EIF2AK4: variants seen among roughly 807,000 people sequenced by gnomAD.
EIF2AK4 encodes the protein eIF-2-alpha kinase GCN2.
A neutral mutation model predicts 211.1 loss-of-function variants in EIF2AK4; 139 were observed. The ratio of observed to expected loss-of-function variants is 0.66; its 90% CI spans 0.57 to 0.76. The LOEUF is 0.76. Ranked by LOEUF, EIF2AK4 falls within the 30% of genes least tolerant of loss-of-function variation. EIF2AK4 has a pLI of 0.00. For missense variants in EIF2AK4, 1,664 were observed against 2,043.8 expected (o/e 0.81, Z 3.58); for synonymous variants, 710 against 751.3 (o/e 0.94, Z 0.90).
intron 35 of EIF2AK4, among the ~76,000 whole-genome samples, chr15:40,031,457 C>A (rs907927494): frequency 6.6e-6 from 1 of 152,150 alleles, no homozygotes; most frequent in Non-Finnish European, 1.5e-5. Flanking sequence ...CGTCTTCCTA[C>A]TGCCTTCATC....
chr15:40,034,552 C>T (rs186399020), intron 38 of EIF2AK4, 108 bp downstream of exon 38: 5 of 818,392 alleles, frequency 6.1e-6, no homozygotes, highest in Non-Finnish European at 1.0e-5. Flanking sequence ...GCCTGGTAAG[C>T]TGTTCTTAGA....
intron 19 of EIF2AK4, among the ~76,000 whole-genome samples, 193 bp downstream of exon 19, chr15:39,997,258 G>A (rs1200382504): frequency 6.6e-6 from 1 of 152,172 alleles, no homozygotes; most frequent in Non-Finnish European, 1.5e-5. Context: ...ATTTTTCTGA[G>A]CAAAGGAAGT....
In EIF2AK4 at chr15:39,934,164, C is replaced by G. The variant is rs1468576245; in HGVS notation, c.-32C>G. On this transcript the variant is annotated 5_prime_UTR_variant, in exon 1 of 39. Coordinates refer to ENST00000263791, the MANE Select transcript of EIF2AK4 (RefSeq NM_001013703.4). ...TGCCGGGGGCCCACCGCCGCCCAGGCAAGGCCGCCCTGCCTTGGGCGCAGC... is the reference window on the plus strand; with the variant it reads ...TGCCGGGGGCCCACCGCCGCCCAGGGAAGGCCGCCCTGCCTTGGGCGCAGC... 1 of 1,339,236 alleles carries G rather than the reference C, an allele frequency of 7.5e-7. No individual in the cohort carries two copies. Among genetic ancestry groups the G allele is most frequent in the Non-Finnish European group, 9.5e-7 (1 of 1,049,552 alleles). 83.0% of individuals were successfully genotyped at this position (1,339,236 alleles called of 1,614,324 possible). A position where few individuals can be genotyped will look rare whatever the true frequency, so the allele number is the denominator to read the frequency against.
chr15:39,960,105 A>G (rs1435536802), intron 6 of EIF2AK4, among the ~76,000 whole-genome samples: 2 of 149,982 alleles, frequency 1.3e-5, no homozygotes, highest in African/African-American at 4.9e-5. Flanking sequence ...CGGAGCTTGC[A>G]GTGAGCCAAG....
intron 1 of EIF2AK4, among the ~76,000 whole-genome samples, chr15:39,938,440 T>G (rs879554223): frequency 2.0e-5 from 3 of 152,270 alleles, no homozygotes; most frequent in African/African-American, 7.2e-5. Flanking sequence ...GTACAGTGTT[T>G]ATTATATGGT....
intron 35 of EIF2AK4, 88 bp downstream of exon 35, chr15:40,030,544 G>A (rs902414589): frequency 7.5e-7 from 1 of 1,333,832 alleles, no homozygotes. Context: ...GATAAACATG[G>A]AATTTCTTGG....
chr15:39,934,230 G>C lies in EIF2AK4; in HGVS notation c.35G>C (p.Arg12Pro). 2 of 1,599,476 alleles carry C rather than the reference G, an allele frequency of 1.3e-6. No individual in the cohort carries two copies. Among genetic ancestry groups the C allele is most frequent in the Admixed American group, 1.7e-5 (1 of 58,674 alleles). Residue 12 changes from arginine (R) to proline (P), a missense_variant, in exon 1 of 39, where the codon CGG (arginine) becomes CCG (proline). Coordinates refer to ENST00000263791, the MANE Select transcript of EIF2AK4 (RefSeq NM_001013703.4). Reference sequence around the variant, plus strand: ...GGCCGTGGGGCCCCCGGGCGCGGCCGGGACGAGCCTCCGGAGAGCTACCCG... The same window carrying C: ...GGCCGTGGGGCCCCCGGGCGCGGCCCGGACGAGCCTCCGGAGAGCTACCCG... ...AGGRGAPGRG[R>P]DEPPESYPQR... is the part of the protein sequence containing the mutation.
intron 23 of EIF2AK4, 102 bp downstream of exon 23, chr15:40,003,416 T>C (rs1005252617): frequency 1.5e-5 from 22 of 1,506,330 alleles, no homozygotes; most frequent in Non-Finnish European, 2.0e-5. Context: ...ATTATAAATG[T>C]CACCTTTGGG....
At chr15:39,961,647 G>T in intron 6 of EIF2AK4, 137 bp from the exon 7 acceptor site, 1 of 633,726 alleles carries the variant, frequency 1.6e-6, no homozygotes, top group Non-Finnish European at 2.7e-6. Flanking sequence ...GACTGCGAGT[G>T]GGCTAATAAA....
intron 6 of EIF2AK4, among the ~76,000 whole-genome samples, chr15:39,960,734 C>T (rs1182269827): frequency 6.6e-6 from 1 of 152,054 alleles, no homozygotes; most frequent in African/African-American, 2.4e-5. Context: ...AAGGGACTAA[C>T]TAATAGACTA....
chr15:39,987,737 T>A (rs1303700469), intron 14 of EIF2AK4, among the ~76,000 whole-genome samples: 2 of 152,222 alleles, frequency 1.3e-5, no homozygotes, highest in Non-Finnish European at 2.9e-5. Context: ...CAAGTCATAT[T>A]TTTAAATGAG....
At chr15:39,944,551 C>T (rs1271744871) in intron 3 of EIF2AK4, among the ~76,000 whole-genome samples, 3 of 151,536 alleles carry the variant, frequency 2.0e-5, no homozygotes, top group Non-Finnish European at 4.4e-5. Flanking sequence ...CCTGCCTCAG[C>T]CTCCCGAGTA....
At chr15:39,991,133 C>T (rs2034938681) in intron 16 of EIF2AK4, 1 of 152,124 alleles carries the variant, frequency 6.6e-6, no homozygotes, top group South Asian at 2.1e-4. Flanking sequence ...CAGTTAATTC[C>T]AAGGGTGATC....
Position 39,990,320 on chromosome 15 carries a change from T to C in EIF2AK4, c.2574T>C (p.Ser858=). 3 of 1,614,246 alleles carry C rather than the reference T, an allele frequency of 1.9e-6. No individual in the cohort carries two copies. Among genetic ancestry groups the C allele is most frequent in the Non-Finnish European group, 2.5e-6 (3 of 1,180,040 alleles). The change falls in exon 16 of 39, where the codon TCT becomes TCC. Residue 858 remains serine (S), a synonymous_variant. Transcript: ENST00000263791. ...AGCCTGTCAACATTTTTTTGGATTC[T>C]GATGACCATGTGAAAATAGGTGATT... is the stretch of plus-strand genomic sequence containing the variant. The part of the protein sequence containing the change: ...DLKPVNIFLD[S]DDHVKIGDFG...
intron 3 of EIF2AK4, chr15:39,946,952 G>GC: frequency 3.5e-6 from 1 of 284,074 alleles, no homozygotes; most frequent in South Asian, 8.5e-5. Flanking sequence ...CTACCATATA[G>GC]TGTAAACATA....
rs1429772355 is a variant in EIF2AK4, at chr15:40,028,273, CTA to C, written c.4503-1131_4503-1130del. Among the ~76,000 whole-genome samples, 3 of 152,078 alleles carry C rather than the reference CTA, an allele frequency of 2.0e-5. No homozygotes were observed. In the East Asian group the frequency reaches 5.8e-4, roughly 29 times the overall value. Reference sequence around the variant, plus strand: ...AATTATTTGTAGAGACAGGATCTCCCTATGTTGCCCAGGCTGGTCTCCAACTC... The same window carrying C: ...AATTATTTGTAGAGACAGGATCTCCCTGTTGCCCAGGCTGGTCTCCAACTC... On this transcript the variant is annotated intron_variant, in intron 33 of 38. Transcript: ENST00000263791.
At position 39,967,582 on chromosome 15, in the gene EIF2AK4, A is replaced by T. The variant is rs370892103; in HGVS notation, c.1256A>T (p.Asn419Ile). Residue 419 changes from asparagine (N) to isoleucine (I), a missense_variant, in exon 9 of 39, where the codon AAT (asparagine) becomes ATT (isoleucine). Physicochemically the swap from Asn to Ile is moderately radical, Grantham distance 149. Around this residue, in one of 7 missense-constraint regions of EIF2AK4, gnomAD observed 641 missense variants for 729.6 expected, o/e 0.88. Transcript: ENST00000263791. ...TCAGGCCTTGATTATCTGCACAGCA[A>T]TTCTGTGGTGCATAAGGTCCTGAGT... ...LLSGLDYLHSNSVVHKVLSAS... is the reference protein window; with the variant it reads ...LLSGLDYLHSISVVHKVLSAS... The T allele has an allele frequency of 1.2e-6, 2 of 1,613,688 alleles. No individual in the cohort carries two copies. Among genetic ancestry groups the T allele is most frequent in the South Asian group, 2.2e-5 (2 of 91,032 alleles).
At position 39,990,359 on chromosome 15, in the gene EIF2AK4, A is replaced by C. The variant is rs1354979714; in HGVS notation, c.2613A>C (p.Thr871=). ...HVKIGDFGLA[T]DHLAFSADSK... ...AAATAGGTGATTTTGGTTTGGCGACAGACCATCTAGCCTTTTCTGTAAGTA... is the reference window on the plus strand; with the variant it reads ...AAATAGGTGATTTTGGTTTGGCGACCGACCATCTAGCCTTTTCTGTAAGTA... The change falls in exon 16 of 39, where the codon ACA becomes ACC. Residue 871 remains threonine (T), a synonymous_variant. Transcript: ENST00000263791. The C allele has an allele frequency of 6.2e-7, 1 of 1,614,198 alleles. No homozygotes were observed. The highest frequency in any genetic ancestry group is 1.7e-5 in the Admixed American group (1 of 60,028).
Position 39,985,874 on chromosome 15 carries a change from T to G in EIF2AK4, c.2389T>G (p.Tyr797Asp), listed in dbSNP as rs556364536. The G allele has an allele frequency of 3.7e-6, 6 of 1,613,328 alleles. No individual in the cohort carries two copies. The Admixed American group carries it at 8.3e-5, about 22-fold the overall frequency. ...ATCAGTGACGACTGAGGCTGTGCAC[T>G]ACCTATACATCCAGGTGAGGTCGTG... ...EPSVTTEAVH[Y>D]LYIQMEYCEK... The change falls in exon 14 of 39, where the codon TAC (tyrosine) becomes GAC (aspartate). Residue 797 changes from tyrosine to aspartate, a missense_variant. By Grantham distance (160) the Tyr-to-Asp change is radical. Transcript: ENST00000263791.
Sources: gnomAD v4.1 joint callset for allele counts (sites outside exome capture counted in the v4.1 genomes callset) on GRCh38, gnomAD v4.1.1 for gene constraint, gnomAD v4.1.1 regional missense constraint, MANE v1.5 for transcripts, NCBI Gene and HGNC (gene_info 2026-07-23, HGNC 2026-07-21) for gene names.